Variants in NCAPG2 observed in about 807,000 individuals in gnomAD.
NCAPG2 encodes condensin-2 complex subunit G2.
A neutral mutation model predicts 141.1 loss-of-function variants in NCAPG2; 53 were observed. That is an observed-to-expected ratio of 0.38 (90% CI 0.30 to 0.47). The LOEUF is 0.47. Ranked by LOEUF, NCAPG2 falls within the 20% of genes least tolerant of loss-of-function variation. The pLI, the probability that NCAPG2 is intolerant of heterozygous loss-of-function variation, is 0.99. For synonymous variants in NCAPG2, 499 were observed against 490.7 expected (o/e 1.02, Z -0.22); for missense variants, 1,087 against 1,389.0 (o/e 0.78, Z 3.46).
At chr7:158,646,364 C>T in intron 25 of NCAPG2, 96 bp downstream of exon 25, 3 of 812,262 alleles carry the variant, frequency 3.7e-6, no homozygotes, top group Non-Finnish European at 3.8e-6. Context: ...AAGAATGTAG[C>T]TTTGAAAAAC....
In NCAPG2 at chr7:158,692,957, C is replaced by A; in HGVS notation, c.268-1G>T. The A allele has an allele frequency of 6.6e-7, 1 of 1,507,300 alleles. No homozygotes were observed. The highest frequency in any genetic ancestry group is 9.1e-7 in the Non-Finnish European group (1 of 1,100,814). 93.4% of individuals were successfully genotyped at this position (1,507,300 alleles called of 1,614,324 possible). A position where few individuals can be genotyped will look rare whatever the true frequency, so the allele number is the denominator to read the frequency against. ...CATAAATTATTTCTATGCTTTTTCT[C>A]TATAAATGAAAAATCAAAGCATGAG... On this transcript the variant is annotated splice_acceptor_variant, in intron 3 of 27. Transcript: ENST00000356309. LOFTEE classifies it high-confidence loss of function.
chr7:158,638,700 T>C (rs1018663487), intron 27 of NCAPG2, among the ~76,000 whole-genome samples: 2 of 152,164 alleles, frequency 1.3e-5, no homozygotes, highest in Non-Finnish European at 1.5e-5. Context: ...AATATGATAC[T>C]TGGACAAATT....
chr7:158,680,127 T>C (rs754120237), intron 10 of NCAPG2, 42 bp from the exon 11 acceptor site: 2 of 1,597,520 alleles, frequency 1.3e-6, no homozygotes, highest in South Asian at 2.2e-5. Flanking sequence ...CCCAAAGAGT[T>C]AACATACGAA....
At chr7:158,666,303 C>A (rs1245949389) in intron 13 of NCAPG2, among the ~76,000 whole-genome samples, 7 of 152,172 alleles carry the variant, frequency 4.6e-5, no homozygotes, top group African/African-American at 7.2e-5. Context: ...AGGCTCCAGC[C>A]CCAACGGGTG....
In NCAPG2 at chr7:158,687,360, T is replaced by C. The variant is rs752356248; in HGVS notation, c.755A>G (p.Gln252Arg). The change falls in exon 7 of 28, where the codon CAG (glutamine) becomes CGG (arginine). Residue 252 changes from glutamine (Q) to arginine (R), a missense_variant. Coordinates refer to ENST00000356309, the MANE Select transcript of NCAPG2 (RefSeq NM_017760.7). Reference sequence around the variant, plus strand: ...TTTTAACACTTACTTTTGTAATCCCTGTAACTGGTTTTTAATGGTCCCGTG... The same window carrying C: ...TTTTAACACTTACTTTTGTAATCCCCGTAACTGGTTTTTAATGGTCCCGTG... ...MIHGTIKNQL[Q>R]GLQKSLMVYI... The C allele has an allele frequency of 1.2e-6, 2 of 1,608,998 alleles. No homozygotes were observed. The highest frequency in any genetic ancestry group is 2.2e-5 in the South Asian group (2 of 90,158).
At chr7:158,672,290 G>GTA (rs1563549296) in intron 12 of NCAPG2, among the ~76,000 whole-genome samples, 2 of 24,702 alleles carry the variant, frequency 8.1e-5, no homozygotes, top group African/African-American at 3.3e-4. Flanking sequence ...GTGTGTGTGT[G>GTA]TGTATATATA....
rs145302272 is a variant in NCAPG2, at chr7:158,633,900, C to T, written c.3381-2183G>A. ...CAAGTAGCTGGGACTATGGTGCACA[C>T]CACCACACCCAGCAGATTTTTTTGT... On this transcript the variant is annotated intron_variant, in intron 27 of 27. Coordinates refer to ENST00000356309, the MANE Select transcript of NCAPG2 (RefSeq NM_017760.7). The surrounding 1 kb of genome is among the most constrained non-coding windows in gnomAD (Gnocchi z 4.1). 3.3e-5 allele frequency among the ~76,000 whole-genome samples: 5 copies of T among 152,152 alleles called. No homozygotes were observed. Among genetic ancestry groups the T allele is most frequent in the Non-Finnish European group, 5.9e-5 (4 of 67,992 alleles).
chr7:158,644,458 C>G, intron 26 of NCAPG2, 70 bp from the exon 27 acceptor site: 1 of 1,337,256 alleles, frequency 7.5e-7, no homozygotes. Context: ...CTCTGGTACA[C>G]ATGTGGTACA....
At chr7:158,669,501 G>A (rs192443740) in intron 13 of NCAPG2, among the ~76,000 whole-genome samples, 5 of 152,046 alleles carry the variant, frequency 3.3e-5, no homozygotes, top group South Asian at 2.1e-4. Context: ...AGTGGCTCAC[G>A]CCCATAATCC....
rs749984334 is a variant in NCAPG2 at position 158,631,659 on chromosome 7, G to A, written c.*7C>T. ...CTATTTTTACATGTCTGGAGATGTT[G>A]GCTTGGTTATGAATTCAAAAGTTCT... On this transcript the variant is annotated 3_prime_UTR_variant, in exon 28 of 28. Transcript: ENST00000356309. The A allele has an allele frequency of 6.3e-7, 1 of 1,581,830 alleles. No homozygotes were observed. Among genetic ancestry groups the A allele is most frequent in the Non-Finnish European group, 8.7e-7 (1 of 1,151,298 alleles).
intron 2 of NCAPG2, among the ~76,000 whole-genome samples, chr7:158,699,171 T>C (rs1412937972): frequency 2.0e-5 from 3 of 152,138 alleles, no homozygotes; most frequent in African/African-American, 4.8e-5. Flanking sequence ...AAACTTTTCT[T>C]TGTGTGTACT....
chr7:158,650,248 T>C (rs996357615), intron 24 of NCAPG2, among the ~76,000 whole-genome samples: 1 of 152,202 alleles, frequency 6.6e-6, no homozygotes, highest in Admixed American at 6.5e-5. Flanking sequence ...AGTTTCATCA[T>C]GTTGGCCAGG....
intron 27 of NCAPG2, chr7:158,641,703 T>C: frequency 2.2e-6 from 1 of 460,390 alleles, no homozygotes; most frequent in Non-Finnish European, 3.8e-6. Context: ...CATTACATAA[T>C]GAAAAGATGG....
At chr7:158,650,000 G>A (rs949377859) in intron 24 of NCAPG2, among the ~76,000 whole-genome samples, 24 of 152,276 alleles carry the variant, frequency 1.6e-4, no homozygotes, top group African/African-American at 5.8e-4. Flanking sequence ...CTACCGGTAG[G>A]AAAATAAGAT....
At chr7:158,678,343 T>C (rs1834226572) in intron 11 of NCAPG2, among the ~76,000 whole-genome samples, 1 of 152,102 alleles carries the variant, frequency 6.6e-6, no homozygotes, top group African/African-American at 2.4e-5. Flanking sequence ...CCAGCTTTGG[T>C]GAACAATGCC....
chr7:158,641,598 A>G, intron 27 of NCAPG2: 1 of 581,058 alleles, frequency 1.7e-6, no homozygotes, highest in Non-Finnish European at 3.0e-6. Flanking sequence ...AAGATATACC[A>G]TGCTTATTCT....
At chr7:158,680,369 T>C (rs1834373118) in intron 10 of NCAPG2, among the ~76,000 whole-genome samples, 1 of 152,168 alleles carries the variant, frequency 6.6e-6, no homozygotes, top group South Asian at 2.1e-4. Context: ...AAAGTTATTG[T>C]GTGTTTGTTA....
At chr7:158,659,875 G>C (rs1471744908) in intron 16 of NCAPG2, among the ~76,000 whole-genome samples, 1 of 152,116 alleles carries the variant, frequency 6.6e-6, no homozygotes, top group Non-Finnish European at 1.5e-5. Flanking sequence ...ACTTTGGGAG[G>C]CCGAGGCAGG....
chr7:158,667,546 A>G lies in NCAPG2; in HGVS notation c.1480-2796T>C, dbSNP rs75318651. On this transcript the variant is annotated intron_variant, in intron 13 of 27. Transcript: ENST00000356309. ...CTCCTTACCTACCCTGTGGCCCTCC[A>G]CCCGCTTACCCACTACTGGGTCCCT... Among the ~76,000 whole-genome samples, 17 of 6,890 alleles carry G rather than the reference A, an allele frequency of 2.5e-3. 1 individual carries two copies. Among genetic ancestry groups the G allele is most frequent in the African/African-American group, 8.5e-3 (12 of 1,414 alleles). 4.5% of individuals were successfully genotyped at this position (6,890 alleles called of 152,430 possible). A position where few individuals can be genotyped will look rare whatever the true frequency, so the allele number is the denominator to read the frequency against.
Sources: gnomAD v4.1 joint callset for allele counts (sites outside exome capture counted in the v4.1 genomes callset) on GRCh38, gnomAD v4.1.1 for gene constraint, Gnocchi (gnomAD v3.1) non-coding constraint, MANE v1.5 for transcripts, NCBI Gene and HGNC (gene_info 2026-07-23, HGNC 2026-07-21) for gene names.